Variants in TENM3 observed in about 807,000 individuals in gnomAD.
TENM3 encodes the protein teneurin-3.
A neutral mutation model predicts 255.1 loss-of-function variants in TENM3; 63 were observed. That is an observed-to-expected ratio of 0.25 (90% CI 0.20 to 0.30). The LOEUF (loss-of-function observed/expected upper bound fraction) is 0.30, where lower values mean the gene tolerates loss of function less well. Among genes scored for constraint, TENM3 ranks in the 10% least tolerant of loss-of-function variants. TENM3 has a pLI of 1.00. For synonymous variants in TENM3, 1,306 were observed against 1,322.3 expected, an observed-to-expected ratio of 0.99 and a Z score of 0.27; for missense variants, 2,929 against 3,461.1, an observed-to-expected ratio of 0.85 and a Z score of 3.86.
the TENM3 span, among the ~76,000 whole-genome samples, chr4:181,539,133 A>G: frequency 6.6e-6 from 1 of 152,166 alleles, no homozygotes; most frequent in African/African-American, 2.4e-5. Flanking sequence ...TCACCACTGA[A>G]TCCTCAGTAA....
At chr4:182,199,218 C>A (rs1326496841) in intron 1 of TENM3, among the ~76,000 whole-genome samples, 5 of 152,112 alleles carry the variant, frequency 3.3e-5, no homozygotes, top group African/African-American at 9.7e-5. Flanking sequence ...AACCCCAGAA[C>A]TTTGGGAGGC....
the TENM3 span, among the ~76,000 whole-genome samples, chr4:181,893,498 C>CCCG: frequency 9.9e-6 from 1 of 100,514 alleles, no homozygotes; most frequent in Non-Finnish European, 1.9e-5. Context: ...CCCACCCCCC[C>CCCG]CCCACCCCCA....
chr4:181,929,367 G>T, the TENM3 span, among the ~76,000 whole-genome samples: 2 of 150,108 alleles, frequency 1.3e-5, no homozygotes, highest in Non-Finnish European at 3.0e-5. Flanking sequence ...AAAAAAAAAA[G>T]GAGGAGTTGC....
chr4:181,947,245 A>G, the TENM3 span, among the ~76,000 whole-genome samples: 1 of 152,234 alleles, frequency 6.6e-6, no homozygotes, highest in Admixed American at 6.5e-5. Context: ...AGGAAGTACT[A>G]TGCTACGTAC....
intron 1 of TENM3, among the ~76,000 whole-genome samples, chr4:182,150,687 C>T (rs1750279595): frequency 6.6e-6 from 1 of 151,958 alleles, no homozygotes; most frequent in African/African-American, 2.4e-5. Flanking sequence ...TTATAAAGGC[C>T]ACTTACCTTT....
chr4:181,736,781 A>G, the TENM3 span, among the ~76,000 whole-genome samples: 1 of 151,934 alleles, frequency 6.6e-6, no homozygotes, highest in Admixed American at 6.6e-5. Flanking sequence ...ATAACCCCCC[A>G]GTTCACCAAA....
intron 3 of TENM3, among the ~76,000 whole-genome samples, chr4:182,593,517 G>A (rs1472819878): frequency 1.3e-5 from 2 of 152,102 alleles, no homozygotes; most frequent in East Asian, 1.9e-4. Flanking sequence ...ACAGCTGTCC[G>A]CCCTTAGCTT....
chr4:181,595,528 C>G, the TENM3 span, among the ~76,000 whole-genome samples: 1 of 151,452 alleles, frequency 6.6e-6, no homozygotes, highest in African/African-American at 2.4e-5. Context: ...GGTAGGAGGA[C>G]CAGCAACGTG....
At chr4:182,327,191 T>C (rs1763469052) in intron 2 of TENM3, among the ~76,000 whole-genome samples, 1 of 152,224 alleles carries the variant, frequency 6.6e-6, no homozygotes, top group African/African-American at 2.4e-5. Flanking sequence ...AATTATTTAA[T>C]TGAGAAAATG....
chr4:181,971,512 T>G, the TENM3 span, among the ~76,000 whole-genome samples: 2 of 152,166 alleles, frequency 1.3e-5, no homozygotes, highest in Non-Finnish European at 2.9e-5. Flanking sequence ...TACCCTCTTA[T>G]TCGTCATAAA....
At chr4:182,016,544 G>A in the TENM3 span, among the ~76,000 whole-genome samples, 2 of 152,152 alleles carry the variant, frequency 1.3e-5, no homozygotes, top group African/African-American at 4.8e-5. Flanking sequence ...ACTTTTGAGA[G>A]CAGACAAATT....
intron 3 of TENM3, among the ~76,000 whole-genome samples, chr4:182,540,909 A>G (rs763055458): frequency 1.3e-5 from 2 of 152,206 alleles, no homozygotes; most frequent in African/African-American, 2.4e-5. Flanking sequence ...TTTTGCTCAC[A>G]TGTGAAACAT....
At chr4:181,909,197 A>G in the TENM3 span, among the ~76,000 whole-genome samples, 2 of 152,238 alleles carry the variant, frequency 1.3e-5, no homozygotes, top group Non-Finnish European at 2.9e-5. Context: ...CTTTAAGACA[A>G]TAAACAATGG....
chr4:182,768,501 G>C (rs1023880743), intron 22 of TENM3, among the ~76,000 whole-genome samples: 2 of 152,128 alleles, frequency 1.3e-5, no homozygotes, highest in African/African-American at 4.8e-5. Flanking sequence ...GTGAATATGG[G>C]AAGAGGCAGA....
At chr4:181,720,438 A>G in the TENM3 span, among the ~76,000 whole-genome samples, 1 of 152,178 alleles carries the variant, frequency 6.6e-6, no homozygotes, top group Non-Finnish European at 1.5e-5. Context: ...GTGTGGTGTT[A>G]CAGGCTGCAT....
the TENM3 span, among the ~76,000 whole-genome samples, chr4:181,770,965 A>G: frequency 6.6e-6 from 1 of 152,186 alleles, no homozygotes; most frequent in Admixed American, 6.5e-5. Flanking sequence ...GTCCCTATTT[A>G]ACAGATGGTA....
chr4:182,492,247 GTAATAT>G (rs1735369652), intron 3 of TENM3, among the ~76,000 whole-genome samples: 1 of 152,130 alleles, frequency 6.6e-6, no homozygotes, highest in South Asian at 2.1e-4. Flanking sequence ...AAGTGGTTCA[GTAATAT>G]AAGCTAACAT....
chr4:181,936,154 G>A, the TENM3 span, among the ~76,000 whole-genome samples: 5 of 152,132 alleles, frequency 3.3e-5, no homozygotes, highest in African/African-American at 4.8e-5. Flanking sequence ...CACTTTGGGA[G>A]GCCAAGGTGG....
intron 3 of TENM3, among the ~76,000 whole-genome samples, chr4:182,593,393 T>C (rs1746866994): frequency 6.6e-6 from 1 of 152,218 alleles, no homozygotes; most frequent in Non-Finnish European, 1.5e-5. Context: ...TTTCTGCCTG[T>C]CCCTCTCTGT....
Sources: allele counts gnomAD v4.1 joint callset (sites outside exome capture counted in the v4.1 genomes callset), GRCh38; gene constraint gnomAD v4.1.1; transcripts MANE v1.5; gene names NCBI Gene and HGNC (gene_info 2026-07-23, HGNC 2026-07-21).